Variants in CFAP58 observed in about 807,000 individuals in gnomAD.
CFAP58 encodes cilia- and flagella-associated protein 58.
A neutral mutation model predicts 119.5 loss-of-function variants in CFAP58; 88 were observed. That is an observed-to-expected ratio of 0.74 (90% CI 0.62 to 0.88). The LOEUF (loss-of-function observed/expected upper bound fraction) is 0.88. Ranked by LOEUF, CFAP58 falls within the 40% of genes least tolerant of loss-of-function variation. The pLI, the probability that CFAP58 is intolerant of heterozygous loss-of-function variation, is 0.00. For missense variants in CFAP58, 990 were observed against 1,021.2 expected (o/e 0.97, Z 0.42); for synonymous variants, 365 against 366.3 (o/e 1.00, Z 0.04).
At chr10:104,405,003 T>G (rs1200346373) in intron 14 of CFAP58, among the ~76,000 whole-genome samples, 1 of 152,150 alleles carries the variant, frequency 6.6e-6, no homozygotes, top group Non-Finnish European at 1.5e-5. Flanking sequence ...TATTTTTGTT[T>G]TTACTTTTTA....
chr10:104,382,398 A>G (rs1052791528), intron 9 of CFAP58: 11 of 519,132 alleles, frequency 2.1e-5, no homozygotes, highest in African/African-American at 1.1e-4. Flanking sequence ...CTGATAAGCA[A>G]TTTCTCTCCA....
At chr10:104,348,156 G>T in the CFAP58 span, among the ~76,000 whole-genome samples, 1 of 152,190 alleles carries the variant, frequency 6.6e-6, no homozygotes, top group Admixed American at 6.5e-5. Context: ...CGTAATTCTG[G>T]GTGGGAGTTA....
chr10:104,434,846 G>A (rs1286458803), intron 15 of CFAP58, among the ~76,000 whole-genome samples: 2 of 152,070 alleles, frequency 1.3e-5, no homozygotes, highest in South Asian at 2.1e-4. Context: ...TAAATTCCTT[G>A]AGACCCACAC....
intron 2 of CFAP58, among the ~76,000 whole-genome samples, chr10:104,361,026 A>G (rs2014659513): frequency 6.6e-6 from 1 of 152,196 alleles, no homozygotes; most frequent in African/African-American, 2.4e-5. Context: ...GTGCTAAACC[A>G]TTCATGAGAA....
At chr10:104,378,475 T>C (rs540058549) in intron 8 of CFAP58, among the ~76,000 whole-genome samples, 16 of 152,334 alleles carry the variant, frequency 1.1e-4, no homozygotes, top group Admixed American at 9.8e-4. Context: ...TGGTTAGAGA[T>C]TTGAGAAGGA....
chr10:104,348,395 T>C, the CFAP58 span, among the ~76,000 whole-genome samples: 1 of 152,218 alleles, frequency 6.6e-6, no homozygotes, highest in Non-Finnish European at 1.5e-5. Context: ...ATACTGTTCT[T>C]ATTACTGTGT....
At position 104,399,605 on chromosome 10, in the gene CFAP58, A is replaced by G. The variant is rs148000425; in HGVS notation, c.1815+105A>G. The G allele has an allele frequency of 1.9e-5, 23 of 1,201,166 alleles. No individual in the cohort carries two copies. In the African/African-American group the frequency reaches 3.2e-4, roughly 17 times the overall value. 74.4% of individuals were successfully genotyped at this position (1,201,166 alleles called of 1,614,324 possible). A position where few individuals can be genotyped will look rare whatever the true frequency, so the allele number is the denominator to read the frequency against. ...TCTCTAAGCTCTTCCAACCAGCCCT[A>G]TTGGAAGAACAGCAGCAGAGACCCA... On this transcript the variant is annotated intron_variant, in intron 12 of 17. Coordinates refer to ENST00000369704, the MANE Select transcript of CFAP58 (RefSeq NM_001008723.2).
intron 15 of CFAP58, among the ~76,000 whole-genome samples, chr10:104,433,836 G>T (rs2012889097): frequency 6.6e-6 from 1 of 152,176 alleles, no homozygotes; most frequent in Non-Finnish European, 1.5e-5. Flanking sequence ...TTGCTACATT[G>T]CATTTTTTAA....
intron 2 of CFAP58, among the ~76,000 whole-genome samples, chr10:104,359,940 T>C (rs942101257): frequency 6.6e-6 from 1 of 152,256 alleles, no homozygotes; most frequent in Non-Finnish European, 1.5e-5. Flanking sequence ...TAAATATCTT[T>C]CATTTGTTTT....
intron 15 of CFAP58, among the ~76,000 whole-genome samples, chr10:104,430,854 T>TA (rs1359906806): frequency 1.3e-5 from 2 of 152,264 alleles, no homozygotes; most frequent in Non-Finnish European, 2.9e-5. Flanking sequence ...TATGCAAAAT[T>TA]ATATCACTTC....
intron 17 of CFAP58, among the ~76,000 whole-genome samples, chr10:104,453,268 T>C (rs2013223264): frequency 6.6e-6 from 1 of 152,192 alleles, no homozygotes. Context: ...CTAAAGCTTT[T>C]GTCCTATTTA....
upstream of CFAP58, among the ~76,000 whole-genome samples, chr10:104,349,283 A>AAAACG (rs1487937203): frequency 2.0e-5 from 3 of 152,124 alleles, no homozygotes; most frequent in Admixed American, 2.0e-4. Context: ...AAAACAAAAC[A>AAAACG]AAACAAACAA....
chr10:104,360,942 T>A (rs577342495), intron 2 of CFAP58, among the ~76,000 whole-genome samples: 1 of 152,190 alleles, frequency 6.6e-6, no homozygotes, highest in African/African-American at 2.4e-5. Flanking sequence ...AACATATGCA[T>A]GCATCACACA....
chr10:104,393,722 A>C (rs899233276), intron 11 of CFAP58, among the ~76,000 whole-genome samples: 1 of 152,034 alleles, frequency 6.6e-6, no homozygotes, highest in Non-Finnish European at 1.5e-5. Context: ...ATGCAAACAC[A>C]CCCCTTTCAT....
rs1354769487 is a variant in CFAP58 at position 104,429,017 on chromosome 10, C to T, written c.2257-18681C>T. 2.0e-5 allele frequency among the ~76,000 whole-genome samples: 3 copies of T among 152,186 alleles called. No homozygotes were observed. In the East Asian group the frequency reaches 5.8e-4, roughly 29 times the overall value. ...AGCAGAGAAAAGGAAAGGATCAAGG[C>T]ACAGAGGATCCATTGATTTTGTTGA... On this transcript the variant is annotated intron_variant, in intron 15 of 17. Transcript: ENST00000369704.
At position 104,450,178 on chromosome 10, in the gene CFAP58, T is replaced by C. The variant is rs201527744; in HGVS notation, c.2484T>C (p.Ala828=). The C allele has an allele frequency of 1.3e-5, 21 of 1,613,226 alleles. No homozygotes were observed. The South Asian group carries it at 1.7e-4, about 13-fold the overall frequency. Residue 828 remains alanine (A), a synonymous_variant, in exon 17 of 18, where the codon GCT becomes GCC. Coordinates refer to ENST00000369704, the MANE Select transcript of CFAP58 (RefSeq NM_001008723.2). ...AGAATTTAAAGAAGAAATACCTCGC[T>C]CAGAAACGTAAAGAACAACTTCAAA... The part of the protein sequence containing the change: ...ELQNLKKKYL[A]QKRKEQLQKN...
At chr10:104,444,997 A>G (rs2013091971) in intron 15 of CFAP58, among the ~76,000 whole-genome samples, 1 of 152,166 alleles carries the variant, frequency 6.6e-6, no homozygotes, top group South Asian at 2.1e-4. Context: ...ATTCTTTATA[A>G]TAAATCCATT....
intron 15 of CFAP58, among the ~76,000 whole-genome samples, chr10:104,419,280 A>G (rs1759807761): frequency 6.6e-6 from 1 of 152,092 alleles, no homozygotes; most frequent in South Asian, 2.1e-4. Flanking sequence ...GGTTTGCCCA[A>G]GACAGCCTGA....
intron 13 of CFAP58, among the ~76,000 whole-genome samples, chr10:104,403,316 T>C (rs748334387): frequency 6.6e-6 from 1 of 152,204 alleles, no homozygotes; most frequent in Non-Finnish European, 1.5e-5. Context: ...TCCTCCATGA[T>C]TGTGAGGCCT....
Sources: gnomAD v4.1 joint callset for allele counts (sites outside exome capture counted in the v4.1 genomes callset) on GRCh38, gnomAD v4.1.1 for gene constraint, MANE v1.5 for transcripts, NCBI Gene and HGNC (gene_info 2026-07-23, HGNC 2026-07-21) for gene names.